The following RNGTT variants were observed in gnomAD, a reference collection of about 807,000 sequenced individuals.
The protein encoded by RNGTT is mRNA-capping enzyme.
A neutral mutation model predicts 79.3 loss-of-function variants in RNGTT; 33 were observed. The ratio of observed to expected loss-of-function variants is 0.42; its 90% confidence interval spans 0.32 to 0.56. The LOEUF is 0.56. Ranked by LOEUF, RNGTT falls within the 20% of genes least tolerant of loss-of-function variation. The probability of loss-of-function intolerance (pLI) is 0.17; values close to 1 mark genes in which losing one functional copy is unlikely to be tolerated. For synonymous variants in RNGTT, 222 were observed against 235.9 expected, an observed-to-expected ratio of 0.94 and a Z score of 0.54; for missense variants, 497 against 739.1, an observed-to-expected ratio of 0.67 and a Z score of 3.80.
intron 4 of RNGTT, among the ~76,000 whole-genome samples, chr6:88,913,214 C>CAAAAAAAAA (rs58717773): frequency 3.1e-5 from 2 of 65,544 alleles, no homozygotes; most frequent in Non-Finnish European, 7.2e-5. Flanking sequence ...CAAAAAAAAA[C>CAAAAAAAAA]AAAAAAAAAA....
In RNGTT at chr6:88,844,336, TAA is replaced by T. The variant is rs372555243; in HGVS notation, c.1269+19_1269+20del. 6 of 1,586,916 alleles carry T rather than the reference TAA, an allele frequency of 3.8e-6. No individual in the cohort carries two copies. Among genetic ancestry groups the T allele is most frequent in the Non-Finnish European group, 5.2e-6 (6 of 1,161,926 alleles). ...TTATGAGACATTATTAGCACTAATT[TAA>T]AAAAAAATTAAACTTTACCTTTCTT... is the stretch of plus-strand genomic sequence containing the variant. On this transcript the variant is annotated intron_variant, in intron 11 of 15. Transcript: ENST00000369485.
intron 13 of RNGTT, among the ~76,000 whole-genome samples, chr6:88,726,133 G>A (rs1776895391): frequency 6.6e-6 from 1 of 152,094 alleles, no homozygotes; most frequent in African/African-American, 2.4e-5. Context: ...GATAATTGAA[G>A]GTCTTCTCTA....
intron 8 of RNGTT, among the ~76,000 whole-genome samples, chr6:88,873,805 T>C (rs1782429158): frequency 6.6e-6 from 1 of 152,162 alleles, no homozygotes; most frequent in Non-Finnish European, 1.5e-5. Flanking sequence ...AAATTTTTAC[T>C]AAAATGCTTA....
At chr6:88,640,497 T>C (rs2127772900) in intron 14 of RNGTT, among the ~76,000 whole-genome samples, 1 of 144,630 alleles carries the variant, frequency 6.9e-6, no homozygotes, top group South Asian at 2.2e-4. Flanking sequence ...CAGTGAACTA[T>C]GATCACACCA....
Position 88,929,279 on chromosome 6 carries a change from A to G in RNGTT, c.175-12T>C. On this transcript the variant is annotated splice_polypyrimidine_tract_variant and intron_variant, in intron 2 of 15. Coordinates refer to ENST00000369485, the MANE Select transcript of RNGTT (RefSeq NM_003800.5). Reference sequence around the variant, plus strand: ...AAGCCCATTTTAACCTAAAAAAAAAAAAAAATGAAAGGGCAAATTTACTAG... The same window carrying G: ...AAGCCCATTTTAACCTAAAAAAAAAGAAAAATGAAAGGGCAAATTTACTAG... 2 of 1,567,396 alleles carry G rather than the reference A, an allele frequency of 1.3e-6. No homozygotes were observed. The highest frequency in any genetic ancestry group is 2.2e-4 in the Middle Eastern group (1 of 4,622).
rs894408946 is a variant in RNGTT, at chr6:88,685,195, T to C, written c.1440-6776A>G. ...ATTTTCAGAGCAGAAAACTAGTCTG[T>C]ATAATACTGTAATGGTTGATATCAT... On this transcript the variant is annotated intron_variant, in intron 13 of 15. Transcript: ENST00000369485. Among the ~76,000 whole-genome samples, 10 of 152,156 alleles carry C rather than the reference T, an allele frequency of 6.6e-5. No individual in the cohort carries two copies. In the South Asian group the frequency reaches 8.3e-4, roughly 13 times the overall value.
At chr6:88,693,850 T>C (rs1775565480) in intron 13 of RNGTT, among the ~76,000 whole-genome samples, 1 of 152,004 alleles carries the variant, frequency 6.6e-6, no homozygotes, top group African/African-American at 2.4e-5. Flanking sequence ...AGAACAAAAC[T>C]CAAGTGATCA....
At chr6:88,864,344 A>C (rs994072989) in intron 8 of RNGTT, among the ~76,000 whole-genome samples, 3 of 152,148 alleles carry the variant, frequency 2.0e-5, no homozygotes, top group African/African-American at 7.2e-5. Flanking sequence ...TGCAACAAAC[A>C]CTAATAAATA....
intron 13 of RNGTT, among the ~76,000 whole-genome samples, chr6:88,741,959 A>G (rs1479589909): frequency 1.3e-5 from 2 of 152,224 alleles, no homozygotes; most frequent in Non-Finnish European, 2.9e-5. Context: ...ATAAGGATCT[A>G]GATCATAAAA....
intron 13 of RNGTT, among the ~76,000 whole-genome samples, chr6:88,726,985 C>T (rs9344847): frequency 0.13 from 19,712 of 146,374 alleles, 1,442 homozygotes; most frequent in Middle Eastern, 0.23. Flanking sequence ...ATTATCATCT[C>T]TGGGGAAAAA....
At chr6:88,661,736 T>C (rs9353584) in intron 14 of RNGTT, among the ~76,000 whole-genome samples, 17,364 of 151,996 alleles carry the variant, frequency 0.11, 1,116 homozygotes, top group Middle Eastern at 0.22. Flanking sequence ...CTAAATTCTA[T>C]CACATATTCA....
intron 13 of RNGTT, among the ~76,000 whole-genome samples, chr6:88,753,008 T>C (rs1297313805): frequency 2.0e-5 from 3 of 152,228 alleles, no homozygotes; most frequent in Non-Finnish European, 2.9e-5. Flanking sequence ...AAAAAGCTTC[T>C]TGTAAAAATA....
At chr6:88,760,873 ATTT>A (rs34821654) in intron 13 of RNGTT, among the ~76,000 whole-genome samples, 9 of 143,234 alleles carry the variant, frequency 6.3e-5, no homozygotes, top group East Asian at 2.1e-4. Flanking sequence ...TGAGAAAACG[ATTT>A]TTTTTTTTTT....
At chr6:88,651,481 C>T (rs1442350301) in intron 14 of RNGTT, among the ~76,000 whole-genome samples, 1 of 151,962 alleles carries the variant, frequency 6.6e-6, no homozygotes, top group East Asian at 1.9e-4. Context: ...CAAATGTTGG[C>T]TATTTTTCTA....
At chr6:88,850,189 C>A (rs1010105879) in intron 9 of RNGTT, among the ~76,000 whole-genome samples, 23 of 151,868 alleles carry the variant, frequency 1.5e-4, no homozygotes, top group Admixed American at 6.6e-5. Flanking sequence ...TTTGTTTAAT[C>A]ATTAATGCTT....
intron 7 of RNGTT, 141 bp downstream of exon 7, chr6:88,891,665 T>C: frequency 2.1e-6 from 1 of 475,394 alleles, no homozygotes; most frequent in Non-Finnish European, 3.6e-6. Flanking sequence ...GCATTGATTG[T>C]CTTGAACGAA....
intron 4 of RNGTT, among the ~76,000 whole-genome samples, chr6:88,922,806 T>C (rs1562032888): frequency 1.3e-5 from 2 of 152,094 alleles, no homozygotes. Context: ...TGGGATAAAG[T>C]TAATGTTTCA....
At chr6:88,721,615 A>C (rs1433229654) in intron 13 of RNGTT, among the ~76,000 whole-genome samples, 1 of 152,040 alleles carries the variant, frequency 6.6e-6, no homozygotes, top group Non-Finnish European at 1.5e-5. Flanking sequence ...CCCAAATCTA[A>C]AAGATAATGG....
chr6:88,623,082 G>T (rs1299372911), intron 14 of RNGTT, among the ~76,000 whole-genome samples: 1 of 152,038 alleles, frequency 6.6e-6, no homozygotes, highest in African/African-American at 2.4e-5. Flanking sequence ...CCAGCCTAAA[G>T]AAGGAAAGAA....
Sources: allele counts gnomAD v4.1 joint callset (sites outside exome capture counted in the v4.1 genomes callset), GRCh38; gene constraint gnomAD v4.1.1; transcripts MANE v1.5; gene names NCBI Gene and HGNC (gene_info 2026-07-23, HGNC 2026-07-21).